CA5B: variants seen among roughly 807,000 people sequenced by gnomAD.
CA5B encodes carbonic anhydrase 5B, also known as carbonic anhydrase 5B, mitochondrial.
A neutral mutation model predicts 23.1 loss-of-function variants in CA5B; 15 were observed. The observed-to-expected ratio is 0.65, with a 90% confidence interval of 0.43 to 1.00. The LOEUF (loss-of-function observed/expected upper bound fraction) is 1.00, where lower values mean the gene tolerates loss of function less well. CA5B is among the 50% of genes least tolerant of loss of function. The pLI is 0.00. For missense variants in CA5B, 236 were observed against 252.2 expected (o/e 0.94, Z 0.43); for synonymous variants, 84 against 98.5 (o/e 0.85, Z 0.87).
At chrX:15,740,994 G>A (rs865780984) in intron 1 of CA5B, among the ~76,000 whole-genome samples, 4 of 111,307 alleles carry the variant, frequency 3.6e-5, no homozygotes, top group Middle Eastern at 4.6e-3. Context: ...CGTGGGAGGC[G>A]GAGGGTACAG....
Position 15,782,600 on chromosome X carries a change from G to C in CA5B, c.890G>C (p.Arg297Pro), listed in dbSNP as rs759792043. The change falls in exon 8 of 8, where the codon CGG becomes CCG. Residue 297 changes from arginine to proline, a missense_variant. Transcript: ENST00000318636. Reference sequence around the variant, plus strand: ...AATCGCACTGTTCGTTCATCCTTCCGGCATGATTATGTGCTGAATGTACAA... The same window carrying C: ...AATCGCACTGTTCGTTCATCCTTCCCGCATGATTATGTGCTGAATGTACAA... ...LMNRTVRSSF[R>P]HDYVLNVQAK... 1 of 1,209,139 alleles carries C rather than the reference G, an allele frequency of 8.3e-7. No homozygotes were observed. Among genetic ancestry groups the C allele is most frequent in the African/African-American group, 1.7e-5 (1 of 57,625 alleles).
intron 2 of CA5B, among the ~76,000 whole-genome samples, chrX:15,751,014 C>G (rs1238423450): frequency 8.9e-6 from 1 of 111,905 alleles, no homozygotes; most frequent in Non-Finnish European, 1.9e-5. Flanking sequence ...CAAACATGCT[C>G]TGCGTGACTG....
In CA5B at chrX:15,772,622, GAGA is replaced by G. The variant is rs1361240235; in HGVS notation, c.459+11_459+13del. 7 of 1,073,485 alleles carry G rather than the reference GAGA, an allele frequency of 6.5e-6. No individual in the cohort carries two copies. In the African/African-American group the frequency reaches 1.1e-4, roughly 17 times the overall value. 88.5% of individuals were successfully genotyped at this position (1,073,485 alleles called of 1,213,427 possible). A position where few individuals can be genotyped will look rare whatever the true frequency, so the allele number is the denominator to read the frequency against. On this transcript the variant is annotated intron_variant, in intron 4 of 7. Transcript: ENST00000318636. The stretch of plus-strand genomic sequence containing the variant: ...AAATGCTTCCCAGCAGAGGTATGTT[GAGA>G]AGGTCAGGAACAGTGACAACTGTAG...
chrX:15,758,543 C>T (rs763520705), intron 2 of CA5B, among the ~76,000 whole-genome samples: 3 of 111,118 alleles, frequency 2.7e-5, no homozygotes, highest in Non-Finnish European at 5.7e-5. Context: ...GTCTTGCTCT[C>T]TTGCCCAGAC....
rs1412983487 is a variant in CA5B at position 15,787,744 on chromosome X, G to A, written c.*5080G>A. The A allele has an allele frequency of 8.9e-6, 1 of 111,982 alleles. No individual in the cohort carries two copies. Among genetic ancestry groups the A allele is most frequent in the African/African-American group, 3.2e-5 (1 of 30,776 alleles). 9.2% of individuals were successfully genotyped at this position (111,982 alleles called of 1,213,427 possible). ...AGGCGGGCAGATTACCGGAGGTCAA[G>A]AGTTCGAGAACAGCCTGGCCAATAT... On this transcript the variant is annotated 3_prime_UTR_variant, in exon 8 of 8. Transcript: ENST00000318636.
chrX:15,753,172 C>T (rs1193260297), intron 2 of CA5B, among the ~76,000 whole-genome samples: 1 of 112,321 alleles, frequency 8.9e-6, no homozygotes, highest in Non-Finnish European at 1.9e-5. Context: ...CCACAGTCAC[C>T]CATATTTGGC....
intron 2 of CA5B, among the ~76,000 whole-genome samples, chrX:15,757,393 G>A (rs903438895): frequency 9.0e-6 from 1 of 111,585 alleles, no homozygotes; most frequent in Non-Finnish European, 1.9e-5. Flanking sequence ...GTGGGTGCCT[G>A]TAGTCCCAGC....
At chrX:15,745,508 A>G (rs1353173720) in intron 1 of CA5B, 1 of 112,623 alleles carries the variant, frequency 8.9e-6, no homozygotes, top group Non-Finnish European at 1.9e-5. Flanking sequence ...TAACTATTAT[A>G]TATGTTTTAT....
At chrX:15,746,534 G>C (rs773650590) in intron 1 of CA5B, among the ~76,000 whole-genome samples, 1 of 111,761 alleles carries the variant, frequency 8.9e-6, no homozygotes, top group Non-Finnish European at 1.9e-5. Context: ...CCGCCCAGTG[G>C]GTTCACATTG....
chrX:15,757,797 A>G (rs1027940302), intron 2 of CA5B, among the ~76,000 whole-genome samples: 1 of 111,500 alleles, frequency 9.0e-6, no homozygotes, highest in Admixed American at 9.6e-5. Flanking sequence ...ACAGCATGAC[A>G]AGAAAAGTAC....
chrX:15,739,588 A>G (rs768767714), intron 1 of CA5B, among the ~76,000 whole-genome samples: 3 of 111,422 alleles, frequency 2.7e-5, no homozygotes, highest in South Asian at 3.8e-4. Flanking sequence ...ACCACTCACA[A>G]TTGGAACGCA....
chrX:15,755,304 G>A (rs753846540), intron 2 of CA5B, among the ~76,000 whole-genome samples: 1 of 112,051 alleles, frequency 8.9e-6, no homozygotes, highest in Non-Finnish European at 1.9e-5. Flanking sequence ...AATGTGGGCT[G>A]TAGTCTCCTG....
chrX:15,760,889 A>G (rs1215685476), intron 2 of CA5B, among the ~76,000 whole-genome samples: 1 of 111,605 alleles, frequency 9.0e-6, no homozygotes, highest in Non-Finnish European at 1.9e-5. Context: ...TTCCCCCCCA[A>G]CAATGGCAGT....
At position 15,785,222 on chromosome X, in the gene CA5B, T is replaced by C. The variant is rs903092411; in HGVS notation, c.*2558T>C. 3 of 112,218 alleles carry C rather than the reference T, an allele frequency of 2.7e-5. No individual in the cohort carries two copies. The highest frequency in any genetic ancestry group is 5.6e-5 in the Non-Finnish European group (3 of 53,253). 9.2% of individuals were successfully genotyped at this position (112,218 alleles called of 1,213,427 possible). On this transcript the variant is annotated 3_prime_UTR_variant, in exon 8 of 8. Transcript: ENST00000318636. Reference sequence around the variant, plus strand: ...CAAAGAGATATTTGTACACCCATGTTCATAGCAGCATTATTCACAATAGCC... The same window carrying C: ...CAAAGAGATATTTGTACACCCATGTCCATAGCAGCATTATTCACAATAGCC...
intron 7 of CA5B, among the ~76,000 whole-genome samples, chrX:15,778,260 CT>C (rs1225174020): frequency 9.0e-6 from 1 of 111,527 alleles, no homozygotes; most frequent in African/African-American, 3.2e-5. Flanking sequence ...ATAAAAACAC[CT>C]TTTTTTGTCA....
intron 7 of CA5B, among the ~76,000 whole-genome samples, chrX:15,780,537 G>C (rs1932004117): frequency 1.8e-5 from 2 of 111,691 alleles, no homozygotes; most frequent in African/African-American, 6.5e-5. Flanking sequence ...CTCCCAAAGT[G>C]CTGGGATTAC....
rs769742969 is a variant in CA5B at position 15,775,236 on chromosome X, T to C, written c.556-10T>C. On this transcript the variant is annotated splice_polypyrimidine_tract_variant and intron_variant, in intron 5 of 7. Coordinates refer to ENST00000318636, the MANE Select transcript of CA5B (RefSeq NM_007220.4). ...TTGTTTGTAATATTTTCTTACTTGT[T>C]GTTCTTTAGCTAGGCAAACATCATA... 2.6e-6 allele frequency: 3 copies of C among 1,170,724 alleles called. No individual in the cohort carries two copies. The South Asian group carries it at 5.7e-5, about 22-fold the overall frequency.
chrX:15,745,183 A>AAG (rs1555992329), intron 1 of CA5B, among the ~76,000 whole-genome samples: 4 of 86,775 alleles, frequency 4.6e-5, no homozygotes, highest in Non-Finnish European at 9.1e-5. Flanking sequence ...AAAAAAAAAA[A>AAG]AAAAGAAAAG....
In CA5B at chrX:15,772,491, T is replaced by G. The variant is rs755540448; in HGVS notation, c.341-5T>G. ...TTCCCTGAATTGTTGGATGTGCCAT[T>G]TTAGTGATCAAGGGAGGACCCCTGG... On this transcript the variant is annotated splice_region_variant and splice_polypyrimidine_tract_variant and intron_variant, in intron 3 of 7. Coordinates refer to ENST00000318636, the MANE Select transcript of CA5B (RefSeq NM_007220.4). The G allele has an allele frequency of 8.6e-7, 1 of 1,165,552 alleles. No homozygotes were observed. The highest frequency in any genetic ancestry group is 1.2e-6 in the Non-Finnish European group (1 of 855,187).
Sources: allele counts gnomAD v4.1 joint callset (sites outside exome capture counted in the v4.1 genomes callset), GRCh38; gene constraint gnomAD v4.1.1; transcripts MANE v1.5; gene names NCBI Gene and HGNC (gene_info 2026-07-23, HGNC 2026-07-21).